ADCYAP1R1: variants seen among roughly 807,000 people sequenced by gnomAD.
ADCYAP1R1 encodes the protein ADCYAP receptor type I, also known as pituitary adenylate cyclase-activating polypeptide type I receptor.
A neutral mutation model predicts 67.6 loss-of-function variants in ADCYAP1R1; 44 were observed. The observed-to-expected ratio is 0.65, with a 90% CI of 0.51 to 0.84. The LOEUF is 0.84. ADCYAP1R1 is among the 40% of genes least tolerant of loss of function. The pLI is 0.00. For synonymous variants in ADCYAP1R1, 222 were observed against 219.6 expected, an observed-to-expected ratio of 1.01 and a Z score of -0.10; for missense variants, 477 against 587.9, an observed-to-expected ratio of 0.81 and a Z score of 1.95.
Position 31,084,890 on chromosome 7 carries a change from C to T in ADCYAP1R1, c.536+56C>T. 3.4e-6 allele frequency: 5 copies of T among 1,484,040 alleles called. No individual in the cohort carries two copies. In the Admixed American group the frequency reaches 5.0e-5, roughly 15 times the overall value. 91.9% of individuals were successfully genotyped at this position (1,484,040 alleles called of 1,614,324 possible). A position where few individuals can be genotyped will look rare whatever the true frequency, so the allele number is the denominator to read the frequency against. On this transcript the variant is annotated intron_variant, in intron 8 of 15. Coordinates refer to ENST00000304166, the MANE Select transcript of ADCYAP1R1 (RefSeq NM_001118.5). ...CCAGAGCTGGCCAGGGCCTCAGAGG[C>T]CTTGGTGCATCTCTCCCCTCCCCCC...
Position 31,078,756 on chromosome 7 carries a change from C to A in ADCYAP1R1, c.265+658C>A, listed in dbSNP as rs149147363. ...CTGCCCTCAGGCAGTTACACGGGCT[C>A]AAGATGGGAGGAGCTGGACCTTGGG... On this transcript the variant is annotated intron_variant, in intron 4 of 15. Coordinates refer to ENST00000304166, the MANE Select transcript of ADCYAP1R1 (RefSeq NM_001118.5). Among the ~76,000 whole-genome samples, 369 of 152,254 alleles carry A rather than the reference C, an allele frequency of 2.4e-3. 3 individuals carry two copies. Among genetic ancestry groups the A allele is most frequent in the African/African-American group, 8.6e-3 (356 of 41,548 alleles).
At chr7:31,080,533 C>T in intron 4 of ADCYAP1R1, 80 bp from the exon 5 acceptor site, 1 of 1,446,248 alleles carries the variant, frequency 6.9e-7, no homozygotes, top group Non-Finnish European at 9.5e-7. Context: ...TCAGCAAGAC[C>T]CAAGGAGAGC....
chr7:31,075,708 A>G (rs1795181696), intron 3 of ADCYAP1R1, among the ~76,000 whole-genome samples: 1 of 152,136 alleles, frequency 6.6e-6, no homozygotes, highest in African/African-American at 2.4e-5. Context: ...TGAGGGTGCT[A>G]AGAGCCCAGA....
At chr7:31,093,019 C>T (rs1421488482) in intron 13 of ADCYAP1R1, among the ~76,000 whole-genome samples, 1 of 152,080 alleles carries the variant, frequency 6.6e-6, no homozygotes, top group Admixed American at 6.6e-5. Context: ...AGGAAAACAT[C>T]AGATTTCCTA....
At chr7:31,072,003 C>T (rs1249293568) in intron 3 of ADCYAP1R1, among the ~76,000 whole-genome samples, 6 of 26,934 alleles carry the variant, frequency 2.2e-4, no homozygotes, top group Non-Finnish European at 4.9e-4. Flanking sequence ...ATCCATCCAG[C>T]CACCCACCCA....
chr7:31,100,424 C>T (rs546162222), intron 13 of ADCYAP1R1, among the ~76,000 whole-genome samples: 7 of 152,190 alleles, frequency 4.6e-5, no homozygotes, highest in South Asian at 4.2e-4. Flanking sequence ...GATGGATCTA[C>T]GGCCATTGTG....
chr7:31,089,862 TTATTC>T (rs781380785), intron 12 of ADCYAP1R1, among the ~76,000 whole-genome samples: 23 of 152,326 alleles, frequency 1.5e-4, no homozygotes, highest in Non-Finnish European at 1.9e-4. Context: ...CATGATCTGT[TTATTC>T]TTTTACTGTA....
chr7:31,074,645 C>T (rs1795132809), intron 3 of ADCYAP1R1, among the ~76,000 whole-genome samples: 1 of 152,230 alleles, frequency 6.6e-6, no homozygotes, highest in Non-Finnish European at 1.5e-5. Context: ...CCATGCTCCA[C>T]GGCCGTTCCA....
chr7:31,078,051 T>G lies in ADCYAP1R1; in HGVS notation c.218T>G (p.Val73Gly), dbSNP rs1327560827. 2 of 1,613,246 alleles carry G rather than the reference T, an allele frequency of 1.2e-6. No individual in the cohort carries two copies. The change falls in exon 4 of 16, where the codon GTC becomes GGC. Residue 73 changes from valine to glycine, a missense_variant. Val to Gly is a moderately radical substitution (Grantham distance 109). Transcript: ENST00000304166. ...AAGCCCGCCCATGTGGGTGAGATGG[T>G]CCTGGTCAGCTGCCCTGAGCTCTTC... ...CWKPAHVGEMVLVSCPELFRI... is the reference protein window; with the variant it reads ...CWKPAHVGEMGLVSCPELFRI...
intron 13 of ADCYAP1R1, chr7:31,100,292 A>C: frequency 7.5e-7 from 1 of 1,335,646 alleles, no homozygotes; most frequent in Non-Finnish European, 1.0e-6. Context: ...GCTGGAGGAG[A>C]GTGGAGAGCC....
At chr7:31,059,746 TG>T (rs948976352) in intron 1 of ADCYAP1R1, among the ~76,000 whole-genome samples, 1 of 151,822 alleles carries the variant, frequency 6.6e-6, no homozygotes, top group African/African-American at 2.4e-5. Context: ...GTTGTCCAGT[TG>T]GGGGCAGTGC....
intron 1 of ADCYAP1R1, among the ~76,000 whole-genome samples, chr7:31,058,256 C>T (rs1244389025): frequency 6.6e-6 from 1 of 152,200 alleles, no homozygotes; most frequent in Admixed American, 6.5e-5. Context: ...TCTGAGTCCC[C>T]TCTGCACGGA....
intron 13 of ADCYAP1R1, among the ~76,000 whole-genome samples, chr7:31,097,821 G>C (rs969633086): frequency 5.3e-5 from 8 of 152,214 alleles, no homozygotes; most frequent in Middle Eastern, 3.4e-3. Flanking sequence ...AGTTGGGGGG[G>C]GGTCTCCTGG....
Position 31,086,194 on chromosome 7 carries a change from C to A in ADCYAP1R1, c.670-190C>A, listed in dbSNP as rs1161589747. The stretch of plus-strand genomic sequence containing the variant: ...CTTTGTCCTGTGTGTGCAGTTTTGC[C>A]TCCATGGGCAGCTTTGACTCAGAAT... On this transcript the variant is annotated intron_variant, in intron 9 of 15. Coordinates refer to ENST00000304166, the MANE Select transcript of ADCYAP1R1 (RefSeq NM_001118.5). This position sits in a 1 kb window ranked among gnomAD's most constrained non-coding sequence, Gnocchi z 5.0. Among the ~76,000 whole-genome samples the A allele has an allele frequency of 2.0e-5, 3 of 152,194 alleles. No homozygotes were observed. Among genetic ancestry groups the A allele is most frequent in the African/African-American group, 7.2e-5 (3 of 41,442 alleles).
chr7:31,099,373 T>G (rs552140306), intron 13 of ADCYAP1R1, among the ~76,000 whole-genome samples: 1 of 152,376 alleles, frequency 6.6e-6, no homozygotes, highest in African/African-American at 2.4e-5. Context: ...TAGCTCCATG[T>G]GGCTGTTGAG....
Position 31,106,550 on chromosome 7 carries a change from G to C in ADCYAP1R1, c.1273G>C (p.Ala425Pro). 1 of 1,613,896 alleles carries C rather than the reference G, an allele frequency of 6.2e-7. No individual in the cohort carries two copies. Among genetic ancestry groups the C allele is most frequent in the African/African-American group, 1.3e-5 (1 of 75,056 alleles). ...WRSWKVNRYF[A>P]VDFKHRHPSL... ...AAGCTGGAAGGTGAACCGTTACTTC[G>C]CTGTGGACTTCAAGCACCGACACCC... The change falls in exon 16 of 16, where the codon GCT becomes CCT. Residue 425 changes from alanine (A) to proline (P), a missense_variant. Physicochemically the swap from Ala to Pro is conservative, Grantham distance 27 (BLOSUM62 -1). Transcript: ENST00000304166.
chr7:31,063,238 G>A lies in ADCYAP1R1; in HGVS notation c.-27G>A. 6 of 1,614,132 alleles carry A rather than the reference G, an allele frequency of 3.7e-6. No individual in the cohort carries two copies. Among genetic ancestry groups the A allele is most frequent in the African/African-American group, 1.3e-5 (1 of 75,066 alleles). On this transcript the variant is annotated 5_prime_UTR_variant, in exon 2 of 16. Coordinates refer to ENST00000304166, the MANE Select transcript of ADCYAP1R1 (RefSeq NM_001118.5). Reference sequence around the variant, plus strand: ...TGACCTGCCGCTGCTGTCAGTGGGAGGCCAGTGGTGCTGGCCAAGAAGTGT... The same window carrying A: ...TGACCTGCCGCTGCTGTCAGTGGGAAGCCAGTGGTGCTGGCCAAGAAGTGT...
At chr7:31,096,231 C>A (rs908727890) in intron 13 of ADCYAP1R1, among the ~76,000 whole-genome samples, 1 of 152,154 alleles carries the variant, frequency 6.6e-6, no homozygotes, top group African/African-American at 2.4e-5. Context: ...CTGGAAGCTG[C>A]AGCTTGGGTG....
chr7:31,070,378 C>T (rs1307843046), intron 3 of ADCYAP1R1, among the ~76,000 whole-genome samples: 1 of 152,186 alleles, frequency 6.6e-6, no homozygotes, highest in African/African-American at 2.4e-5. Context: ...CTGTGGTGGC[C>T]ATGGCAGGGG....
Sources: allele counts gnomAD v4.1 joint callset (sites outside exome capture counted in the v4.1 genomes callset), GRCh38; gene constraint gnomAD v4.1.1; non-coding constraint Gnocchi (gnomAD v3.1); transcripts MANE v1.5; gene names NCBI Gene and HGNC (gene_info 2026-07-23, HGNC 2026-07-21).